The following RNF180 variants were observed in gnomAD, a reference collection of about 807,000 sequenced individuals.
RNF180 encodes the protein ring finger protein 180.
RNF180 carries 38 observed loss-of-function variants against 59.2 expected under a neutral mutation model. That is an observed-to-expected ratio of 0.64 (90% CI 0.50 to 0.84). The LOEUF (loss-of-function observed/expected upper bound fraction) is 0.84. Among genes scored for constraint, RNF180 ranks in the 40% least tolerant of loss-of-function variants. The probability of loss-of-function intolerance (pLI) is 0.00; values close to 1 mark genes in which losing one functional copy is unlikely to be tolerated. For missense variants in RNF180, 705 were observed against 700.9 expected (o/e 1.01, Z -0.07); for synonymous variants, 262 against 240.3 (o/e 1.09, Z -0.84).
intron 7 of RNF180, among the ~76,000 whole-genome samples, chr5:64,350,921 A>G (rs2112582868): frequency 1.3e-5 from 2 of 152,158 alleles, no homozygotes; most frequent in South Asian, 4.2e-4. Flanking sequence ...TGAACTTTAA[A>G]GTAGTTTTTT....
intron 5 of RNF180, among the ~76,000 whole-genome samples, chr5:64,278,249 T>C (rs1741831873): frequency 6.6e-6 from 1 of 152,192 alleles, no homozygotes; most frequent in East Asian, 1.9e-4. Context: ...CACCGGTTAG[T>C]AATCATGATT....
chr5:64,203,062 TACTC>T (rs796988938), intron 2 of RNF180, among the ~76,000 whole-genome samples: 32 of 152,340 alleles, frequency 2.1e-4, no homozygotes, highest in African/African-American at 7.0e-4. Flanking sequence ...AACTCCCACT[TACTC>T]ATTCATTAAA....
intron 5 of RNF180, among the ~76,000 whole-genome samples, chr5:64,218,777 C>T (rs1316649455): frequency 1.3e-5 from 2 of 152,064 alleles, no homozygotes; most frequent in African/African-American, 2.4e-5. Flanking sequence ...AGAACCTGTG[C>T]ATGTTTATTT....
intron 1 of RNF180, among the ~76,000 whole-genome samples, chr5:64,173,274 G>T (rs759276911): frequency 6.6e-6 from 1 of 152,016 alleles, no homozygotes; most frequent in South Asian, 2.1e-4. Context: ...AATGTATCTT[G>T]AATGTATATA....
At chr5:64,200,414 C>T (rs1306142986) in intron 1 of RNF180, among the ~76,000 whole-genome samples, 1 of 152,116 alleles carries the variant, frequency 6.6e-6, no homozygotes, top group East Asian at 1.9e-4. Flanking sequence ...ATGATTGTGC[C>T]ACGGTACCCC....
At chr5:64,333,972 T>C (rs1745020907) in intron 7 of RNF180, among the ~76,000 whole-genome samples, 1 of 152,210 alleles carries the variant, frequency 6.6e-6, no homozygotes, top group South Asian at 2.1e-4. Flanking sequence ...TGCAATAGTA[T>C]AACCAAGAGT....
intron 7 of RNF180, among the ~76,000 whole-genome samples, chr5:64,360,936 C>T (rs925665818): frequency 7.3e-5 from 11 of 151,656 alleles, no homozygotes; most frequent in Admixed American, 6.6e-5. Context: ...TTATAATAGG[C>T]ATTAAATATG....
chr5:64,167,965 T>A (rs1749739126), intron 1 of RNF180, among the ~76,000 whole-genome samples: 1 of 152,200 alleles, frequency 6.6e-6, no homozygotes, highest in African/African-American at 2.4e-5. Flanking sequence ...CTTTGAAATG[T>A]GATTGCAGAG....
chr5:64,199,110 G>A (rs139997260), intron 1 of RNF180, among the ~76,000 whole-genome samples: 2 of 152,114 alleles, frequency 1.3e-5, no homozygotes, highest in Admixed American at 6.5e-5. Context: ...GAGCCACCAC[G>A]CCCGGCCAAA....
intron 5 of RNF180, among the ~76,000 whole-genome samples, chr5:64,263,397 G>C (rs920680830): frequency 8.5e-5 from 13 of 152,134 alleles, no homozygotes; most frequent in African/African-American, 3.1e-4. Flanking sequence ...GGGAAGAGAT[G>C]TGCACAGTTA....
At chr5:64,348,136 CAT>C (rs997994230) in intron 7 of RNF180, among the ~76,000 whole-genome samples, 3 of 151,918 alleles carry the variant, frequency 2.0e-5, no homozygotes, top group South Asian at 2.1e-4. Flanking sequence ...GATTTTATAA[CAT>C]AAATCTAAAA....
At chr5:64,288,138 G>A (rs1434789284) in intron 5 of RNF180, among the ~76,000 whole-genome samples, 1 of 152,044 alleles carries the variant, frequency 6.6e-6, no homozygotes, top group Non-Finnish European at 1.5e-5. Context: ...TGTTCTCCCG[G>A]CACCATTTAT....
chr5:64,200,723 T>G (rs763608170), intron 1 of RNF180, 85 bp from the exon 2 acceptor site: 5 of 1,165,440 alleles, frequency 4.3e-6, no homozygotes, highest in Non-Finnish European at 6.2e-6. Flanking sequence ...TACTGTCCAC[T>G]TGTAGCTAAT....
intron 7 of RNF180, among the ~76,000 whole-genome samples, chr5:64,342,769 G>A (rs1000446966): frequency 1.3e-5 from 2 of 152,030 alleles, no homozygotes; most frequent in African/African-American, 4.8e-5. Context: ...CTGTAGTAGG[G>A]AGTCCAGACC....
chr5:64,175,806 T>C (rs1450000320), intron 1 of RNF180, among the ~76,000 whole-genome samples: 1 of 152,184 alleles, frequency 6.6e-6, no homozygotes, highest in Non-Finnish European at 1.5e-5. Context: ...ATTTTTACAA[T>C]AGAGATCTTT....
At chr5:64,236,089 T>A (rs1010688480) in intron 5 of RNF180, among the ~76,000 whole-genome samples, 3 of 152,120 alleles carry the variant, frequency 2.0e-5, no homozygotes, top group African/African-American at 4.8e-5. Flanking sequence ...TTGGAACAGT[T>A]TGGAGGGCTC....
chr5:64,260,977 A>T (rs1362392979), intron 5 of RNF180, among the ~76,000 whole-genome samples: 3 of 148,470 alleles, frequency 2.0e-5, no homozygotes, highest in African/African-American at 5.0e-5. Context: ...GGTTGGATTT[A>T]ATCCAACAGT....
At chr5:64,319,504 T>C (rs1325550294) in intron 5 of RNF180, among the ~76,000 whole-genome samples, 1 of 152,216 alleles carries the variant, frequency 6.6e-6, no homozygotes, top group Non-Finnish European at 1.5e-5. Context: ...TGAACCTAAG[T>C]CTAAGGTAGA....
intron 7 of RNF180, among the ~76,000 whole-genome samples, chr5:64,348,910 T>C (rs1203222705): frequency 6.6e-6 from 1 of 152,122 alleles, no homozygotes; most frequent in Non-Finnish European, 1.5e-5. Context: ...TTAATATTGC[T>C]ACTTAAATGA....
Sources: gnomAD v4.1 joint callset for allele counts (sites outside exome capture counted in the v4.1 genomes callset) on GRCh38, gnomAD v4.1.1 for gene constraint, MANE v1.5 for transcripts, NCBI Gene and HGNC (gene_info 2026-07-23, HGNC 2026-07-21) for gene names.